The following TLN2 variants were observed in gnomAD, a reference collection of about 807,000 sequenced individuals.
TLN2 encodes the protein talin-2.
TLN2 carries 118 observed loss-of-function variants against 294.7 expected under a neutral mutation model. That is an observed-to-expected ratio of 0.40 (90% confidence interval 0.34 to 0.47). TLN2 has a LOEUF of 0.47. TLN2 is among the 20% of genes least tolerant of loss of function. TLN2 has a pLI of 0.84. For synonymous variants in TLN2, 1,431 were observed against 1,304.5 expected (o/e 1.10, Z -2.09); for missense variants, 3,083 against 3,282.2 (o/e 0.94, Z 1.48).
intron 52 of TLN2, among the ~76,000 whole-genome samples, chr15:62,810,499 C>G (rs944635505): frequency 5.3e-5 from 8 of 152,064 alleles, no homozygotes; most frequent in African/African-American, 1.9e-4. Flanking sequence ...AACTTCCATC[C>G]TCGAATGAAT....
At chr15:62,607,111 G>A (rs1215284248) in intron 2 of TLN2, among the ~76,000 whole-genome samples, 1 of 152,260 alleles carries the variant, frequency 6.6e-6, no homozygotes, top group East Asian at 1.9e-4. Flanking sequence ...GTGATCCTGG[G>A]TCCCTTGGAT....
intron 1 of TLN2, among the ~76,000 whole-genome samples, chr15:62,542,287 G>A (rs1277169643): frequency 1.3e-5 from 2 of 152,116 alleles, no homozygotes; most frequent in African/African-American, 4.8e-5. Context: ...CACCTCCCGG[G>A]TTCACGCCAT....
chr15:62,595,151 G>A (rs1419400454), intron 2 of TLN2, among the ~76,000 whole-genome samples: 1 of 152,130 alleles, frequency 6.6e-6, no homozygotes, highest in Admixed American at 6.5e-5. Flanking sequence ...GGCTGGGTGC[G>A]GTGGCTCACG....
intron 51 of TLN2, among the ~76,000 whole-genome samples, chr15:62,808,448 G>C (rs1188314597): frequency 6.6e-6 from 1 of 152,010 alleles, no homozygotes; most frequent in Non-Finnish European, 1.5e-5. Flanking sequence ...GTTTTTTTCT[G>C]TGCTTTGGAT....
At chr15:62,713,651 C>T (rs1363318250) in intron 22 of TLN2, among the ~76,000 whole-genome samples, 1 of 152,056 alleles carries the variant, frequency 6.6e-6, no homozygotes, top group Middle Eastern at 3.2e-3. Context: ...TGCATTCCAT[C>T]CCGGGAGATA....
At chr15:62,792,875 A>C in intron 46 of TLN2, 88 bp downstream of exon 46, 1 of 1,549,812 alleles carries the variant, frequency 6.5e-7, no homozygotes, top group Non-Finnish European at 8.7e-7. Context: ...CAGGAAACTC[A>C]GCCAAAACTA....
rs58523803 is a variant in TLN2 at position 62,570,903 on chromosome 15, CTGTGTG to C, written c.-237-18748_-237-18743del. Among the ~76,000 whole-genome samples the C allele has an allele frequency of 3.8e-3, 551 of 143,842 alleles. 3 individuals carry two copies. The highest frequency in any genetic ancestry group is 0.014 in the East Asian group (69 of 4,762). The allele number at this position is 143,842 out of a possible 152,430, so 94.4% of individuals were successfully genotyped here. On this transcript the variant is annotated intron_variant, in intron 1 of 58. Coordinates refer to ENST00000636159, the MANE Select transcript of TLN2 (RefSeq NM_015059.3). ...GGAAGAAGCTTCCATGCACAGGCAT[CTGTGTG>C]TGTGTGTGTGTGTGTGTGTGTGTGT...
intron 22 of TLN2, among the ~76,000 whole-genome samples, chr15:62,713,289 A>C (rs966565578): frequency 5.3e-5 from 8 of 150,916 alleles, no homozygotes; most frequent in African/African-American, 1.5e-4. Flanking sequence ...AAAAAAAAAA[A>C]CAAAAAATAG....
chr15:62,649,430 A>G (rs374262259), intron 4 of TLN2, among the ~76,000 whole-genome samples: 99 of 152,242 alleles, frequency 6.5e-4, no homozygotes, highest in African/African-American at 2.2e-3. Context: ...AAAGAGAGAA[A>G]TTTTGGGGTA....
At chr15:62,504,891 A>G (rs1206010481) in intron 1 of TLN2, among the ~76,000 whole-genome samples, 1 of 151,384 alleles carries the variant, frequency 6.6e-6, no homozygotes, top group African/African-American at 2.4e-5. Context: ...GGGCCATTCT[A>G]AACTCTGCCC....
chr15:62,542,923 A>T (rs1330138508), intron 1 of TLN2, among the ~76,000 whole-genome samples: 1 of 152,150 alleles, frequency 6.6e-6, no homozygotes, highest in Non-Finnish European at 1.5e-5. Context: ...GATTGACTCA[A>T]GTCATGTGTT....
intron 32 of TLN2, among the ~76,000 whole-genome samples, chr15:62,744,795 C>T (rs1468824058): frequency 9.2e-5 from 14 of 152,212 alleles, no homozygotes; most frequent in Admixed American, 9.2e-4. Context: ...ATCCACCCAC[C>T]TCGGCCTCCC....
chr15:62,753,836 C>A lies in TLN2; in HGVS notation c.4396C>A (p.Pro1466Thr), dbSNP rs1271743199. The change falls in exon 36 of 59, where the codon CCC (proline) becomes ACC (threonine). Residue 1466 changes from proline to threonine, a missense_variant. Transcript: ENST00000636159. Reference sequence around the variant, plus strand: ...GGCAGGCCACCAGGGCCTGGTGGACCCCATCCAGTTTGCCAGGGCTAACCA... The same window carrying A: ...GGCAGGCCACCAGGGCCTGGTGGACACCATCCAGTTTGCCAGGGCTAACCA... ...SQAGHQGLVD[P>T]IQFARANQAI... The A allele has an allele frequency of 3.1e-6, 5 of 1,612,572 alleles. No homozygotes were observed. In the South Asian group the frequency reaches 5.5e-5, roughly 18 times the overall value.
At chr15:62,535,555 G>T (rs1028145761) in intron 1 of TLN2, among the ~76,000 whole-genome samples, 3 of 132,140 alleles carry the variant, frequency 2.3e-5, no homozygotes, top group African/African-American at 8.7e-5. Flanking sequence ...TAGATAACTT[G>T]ATTTTTTTTT....
At chr15:62,818,085 C>T (rs918467043) in intron 52 of TLN2, among the ~76,000 whole-genome samples, 9 of 152,144 alleles carry the variant, frequency 5.9e-5, no homozygotes, top group African/African-American at 1.4e-4. Flanking sequence ...GCTGGGATTA[C>T]AAGCATGAGC....
chr15:62,615,697 G>GGAACAT (rs1379017921), intron 2 of TLN2, among the ~76,000 whole-genome samples: 4 of 152,150 alleles, frequency 2.6e-5, no homozygotes, highest in Admixed American at 2.6e-4. Context: ...TGGATATCTT[G>GGAACAT]GAACATAAAC....
intron 1 of TLN2, among the ~76,000 whole-genome samples, chr15:62,489,597 C>G (rs1466251587): frequency 2.0e-5 from 3 of 152,180 alleles, no homozygotes; most frequent in Non-Finnish European, 4.4e-5. Flanking sequence ...TACAAATCTT[C>G]AGTTCTCCTC....
intron 50 of TLN2, among the ~76,000 whole-genome samples, chr15:62,805,182 G>T (rs1284635241): frequency 1.3e-5 from 2 of 152,014 alleles, no homozygotes; most frequent in African/African-American, 4.8e-5. Flanking sequence ...CTGAGTGATG[G>T]GGCCAGGTCA....
intron 1 of TLN2, among the ~76,000 whole-genome samples, chr15:62,417,593 C>T (rs1326278993): frequency 3.3e-5 from 5 of 152,166 alleles, no homozygotes; most frequent in Admixed American, 6.5e-5. Flanking sequence ...CTGAGTCAGC[C>T]GTCCTGTGGG....
Sources: allele counts gnomAD v4.1 joint callset (sites outside exome capture counted in the v4.1 genomes callset), GRCh38; gene constraint gnomAD v4.1.1; transcripts MANE v1.5; gene names NCBI Gene and HGNC (gene_info 2026-07-23, HGNC 2026-07-21).